The following UGT1A4 variants were observed in gnomAD, a reference collection of about 807,000 sequenced individuals.
UGT1A4 encodes the protein UDP glucuronosyltransferase family 1 member A4.
A neutral mutation model predicts 41.1 loss-of-function variants in UGT1A4; 32 were observed. That is an observed-to-expected ratio of 0.78 (90% CI 0.59 to 1.05). UGT1A4 has a LOEUF of 1.05. Among genes scored for constraint, UGT1A4 ranks in the 50% least tolerant of loss-of-function variants. UGT1A4 has a pLI of 0.00. For synonymous variants in UGT1A4, 283 were observed against 265.1 expected (o/e 1.07, Z -0.66); for missense variants, 748 against 677.4 (o/e 1.10, Z -1.16).
intron 1 of UGT1A4, chr2:233,742,951 A>G (rs1692147451): frequency 4.7e-6 from 1 of 213,770 alleles, no homozygotes; most frequent in East Asian, 1.2e-4. Flanking sequence ...ACTAGCAAAT[A>G]ATCATTGTCT....
chr2:233,772,189 A>G, intron 4 of UGT1A4, 73 bp from the exon 5 acceptor site: 1 of 1,597,464 alleles, frequency 6.3e-7, no homozygotes, highest in Non-Finnish European at 8.5e-7. Context: ...CTTCTTAAGC[A>G]GCCATGAGCA....
intron 1 of UGT1A4, among the ~76,000 whole-genome samples, chr2:233,730,236 G>A (rs544044923): frequency 9.9e-4 from 150 of 152,270 alleles, no homozygotes; most frequent in African/African-American, 3.5e-3. Context: ...GGATGGACAA[G>A]GACTGGTGTG....
In UGT1A4 at chr2:233,760,159, C is replaced by A. The variant is rs35071471; in HGVS notation, c.868-6875C>A. The A allele has an allele frequency of 1.9e-5, 29 of 1,504,618 alleles. No individual in the cohort carries two copies. In the East Asian group the frequency reaches 7.0e-4, roughly 36 times the overall value. 93.2% of individuals were successfully genotyped at this position (1,504,618 alleles called of 1,614,324 possible). A position where few individuals can be genotyped will look rare whatever the true frequency, so the allele number is the denominator to read the frequency against. On this transcript the variant is annotated intron_variant, in intron 1 of 4. Coordinates refer to ENST00000373409, the MANE Select transcript of UGT1A4 (RefSeq NM_007120.3). ...TCTCTGAAAGTGAACTCCCTGCTAC[C>A]TTTGTGGACTGACAGCTTTTTATAG...
intron 1 of UGT1A4, among the ~76,000 whole-genome samples, chr2:233,749,711 T>C (rs748201511): frequency 2.6e-5 from 4 of 151,836 alleles, no homozygotes; most frequent in African/African-American, 4.9e-5. Flanking sequence ...GATTGGATCA[T>C]GGGGGCAGTT....
chr2:233,736,902 T>G lies in UGT1A4; in HGVS notation c.867+17215T>G, dbSNP rs143081248. ...GCAAATATTGCTGCCTGATCCTTCC[T>G]CTGGAAGCTTCATACCAGAGGCGCA... is the stretch of plus-strand genomic sequence containing the variant. On this transcript the variant is annotated intron_variant, in intron 1 of 4. Coordinates refer to ENST00000373409, the MANE Select transcript of UGT1A4 (RefSeq NM_007120.3). 5.7e-3 allele frequency among the ~76,000 whole-genome samples: 868 copies of G among 152,312 alleles called. 7 individuals are homozygous for G. Among genetic ancestry groups the G allele is most frequent in the African/African-American group, 0.02 (824 of 41,572 alleles).
At position 233,769,451 on chromosome 2, in the gene UGT1A4, G is replaced by A; in HGVS notation, c.1307+1012G>A. On this transcript the variant is annotated intron_variant, in intron 4 of 4. Transcript: ENST00000373409. This position sits in a 1 kb window ranked among gnomAD's most constrained non-coding sequence, Gnocchi z 4.4. ...TGTGCTCATGTGTGGGTGCACACGT[G>A]TGCATTCATATGCGTGTGTGTGTGT... is the stretch of plus-strand genomic sequence containing the variant. 1 of 1,590,738 alleles carries A rather than the reference G, an allele frequency of 6.3e-7. No homozygotes were observed. Among genetic ancestry groups the A allele is most frequent in the Non-Finnish European group, 8.6e-7 (1 of 1,161,554 alleles).
At chr2:233,770,790 G>GAT (rs1474818165) in intron 4 of UGT1A4, 3 of 152,110 alleles carry the variant, frequency 2.0e-5, no homozygotes, top group African/African-American at 7.2e-5. Context: ...TAACATTATA[G>GAT]ATATGTTTAA....
At position 233,767,254 on chromosome 2, in the gene UGT1A4, G is replaced by A. The variant is rs35359603; in HGVS notation, c.999+89G>A. The A allele has an allele frequency of 2.3e-4, 374 of 1,598,070 alleles. 1 individual carries two copies. In the African/African-American group the frequency reaches 4.6e-3, roughly 20 times the overall value. ...AGCTTCCAGATTAATTCTCTTAATTGGAACCTTAGATTTGGCTTTTCCCTG... is the reference window on the plus strand; with the variant it reads ...AGCTTCCAGATTAATTCTCTTAATTAGAACCTTAGATTTGGCTTTTCCCTG... On this transcript the variant is annotated intron_variant, in intron 2 of 4. Transcript: ENST00000373409.
chr2:233,757,415 G>A (rs918647470), intron 1 of UGT1A4, among the ~76,000 whole-genome samples: 20 of 151,366 alleles, frequency 1.3e-4, no homozygotes, highest in Admixed American at 1.1e-3. Flanking sequence ...GGTCTAGAAC[G>A]AAAAGAGAAG....
At chr2:233,767,806 A>G in intron 2 of UGT1A4, 43 bp from the exon 3 acceptor site, 1 of 1,614,116 alleles carries the variant, frequency 6.2e-7, no homozygotes, top group Non-Finnish European at 8.5e-7. Flanking sequence ...TTCTAATCAT[A>G]TTATGTTCTT....
At chr2:233,743,090 T>C in intron 1 of UGT1A4, 1 of 347,048 alleles carries the variant, frequency 2.9e-6, no homozygotes, top group South Asian at 2.3e-5. Context: ...TGTTTATAAA[T>C]TCTTGGGTAC....
At chr2:233,748,157 C>A in intron 1 of UGT1A4, 2 of 1,600,820 alleles carry the variant, frequency 1.2e-6, no homozygotes, top group Non-Finnish European at 1.7e-6. Context: ...ACAATTGCTT[C>A]CATATCTACT....
intron 1 of UGT1A4, chr2:233,747,354 G>A (rs753872482): frequency 3.1e-5 from 49 of 1,602,390 alleles, no homozygotes; most frequent in African/African-American, 2.7e-4. Flanking sequence ...GCGGGAGGCC[G>A]TGCGGGAGCT....
intron 1 of UGT1A4, chr2:233,752,460 T>C (rs1356858435): frequency 1.3e-5 from 2 of 152,236 alleles, no homozygotes; most frequent in African/African-American, 4.8e-5. Flanking sequence ...TACCCACATA[T>C]AGGCCTCTAG....
chr2:233,754,001 T>G (rs1457314312), intron 1 of UGT1A4, among the ~76,000 whole-genome samples: 1 of 152,230 alleles, frequency 6.6e-6, no homozygotes, highest in Non-Finnish European at 1.5e-5. Context: ...GTTTGGGTAA[T>G]TTGTTACAGC....
At chr2:233,768,093 C>T in intron 3 of UGT1A4, 127 bp from the exon 4 acceptor site, 1 of 1,591,452 alleles carries the variant, frequency 6.3e-7, no homozygotes, top group Non-Finnish European at 8.6e-7. Context: ...CCCACATTTT[C>T]TTCTGCAAAT....
In UGT1A4 at chr2:233,768,278, C is replaced by T. The variant is rs72551354; in HGVS notation, c.1146C>T (p.Ser382=). The change falls in exon 4 of 5, where the codon AGC becomes AGT. Residue 382 remains serine, a synonymous_variant. Coordinates refer to ENST00000373409, the MANE Select transcript of UGT1A4 (RefSeq NM_007120.3). ...THAGSHGVYE[S]ICNGVPMVMM... is the part of the protein sequence containing the mutation. ...CTGGTTCCCATGGTGTTTATGAAAG[C>T]ATATGCAATGGCGTTCCCATGGTGA... 6.2e-7 allele frequency: 1 copy of T among 1,614,064 alleles called. No individual in the cohort carries two copies. The highest frequency in any genetic ancestry group is 1.3e-5 in the African/African-American group (1 of 74,924).
intron 1 of UGT1A4, chr2:233,721,930 C>A: frequency 2.6e-6 from 1 of 377,680 alleles, no homozygotes; most frequent in Non-Finnish European, 5.3e-6. Context: ...AAGTGACATC[C>A]TTCAGACACT....
In UGT1A4 at chr2:233,719,687, G is replaced by A. The variant is rs769294499; in HGVS notation, c.867G>A (p.Gln289=). Residue 289 remains glutamine, a splice_region_variant and synonymous_variant, in exon 1 of 5, where the codon CAG becomes CAA. Coordinates refer to ENST00000373409, the MANE Select transcript of UGT1A4 (RefSeq NM_007120.3). ...GTGCCAACGGGAAGCCACTATCTCA[G>A]GTCTGTATTGGTGCCTTCATCCAAT... ...INCANGKPLS[Q]EFEAYINASG... is the part of the protein sequence containing the mutation. 1.5e-5 allele frequency: 25 copies of A among 1,613,862 alleles called. No homozygotes were observed. The African/African-American group carries it at 2.7e-4, about 17-fold the overall frequency.
Sources: allele counts gnomAD v4.1 joint callset (sites outside exome capture counted in the v4.1 genomes callset), GRCh38; gene constraint gnomAD v4.1.1; non-coding constraint Gnocchi (gnomAD v3.1); transcripts MANE v1.5; gene names NCBI Gene and HGNC (gene_info 2026-07-23, HGNC 2026-07-21).